Variants in UBFD1 observed in about 807,000 individuals in gnomAD.
UBFD1 encodes the protein ubiquitin family domain containing 1.
In UBFD1, 12 loss-of-function variants were observed where a neutral mutation model predicts 35.1. The observed-to-expected ratio is 0.34, with a 90% CI of 0.22 to 0.55. The LOEUF (loss-of-function observed/expected upper bound fraction) is 0.55, where lower values mean the gene tolerates loss of function less well. Ranked by LOEUF, UBFD1 falls within the 20% of genes least tolerant of loss-of-function variation. The probability of loss-of-function intolerance (pLI) is 0.89; values close to 1 mark genes in which losing one functional copy is unlikely to be tolerated. For missense variants in UBFD1, 337 were observed against 410.8 expected (o/e 0.82, Z 1.55); for synonymous variants, 178 against 167.6 (o/e 1.06, Z -0.48).
chr16:23,564,348 C>G (rs1965981063), intron 5 of UBFD1: 1 of 152,216 alleles, frequency 6.6e-6, no homozygotes, highest in Non-Finnish European at 1.5e-5. Context: ...AGTTTTCTAT[C>G]AATTTTATGA....
chr16:23,564,625 A>G (rs1304830784), intron 5 of UBFD1: 2 of 152,094 alleles, frequency 1.3e-5, no homozygotes, highest in East Asian at 1.9e-4. Flanking sequence ...CTGGACCTCT[A>G]CTTTTGCTTG....
In UBFD1 at chr16:23,562,253, A is replaced by G. The variant is rs749223572; in HGVS notation, c.612A>G (p.Pro204=). The G allele has an allele frequency of 4.2e-5, 68 of 1,613,950 alleles. No individual in the cohort carries two copies. Among genetic ancestry groups the G allele is most frequent in the Admixed American group, 3.2e-4 (19 of 59,988 alleles). ...LDKGKPEDVM[P]SVKGAQERLP... is the part of the protein sequence containing the mutation. Reference sequence around the variant, plus strand: ...AAGGAAAACCTGAAGATGTGATGCCATCTGTTAAGGGGGCCCAGGTAAGGC... The same window carrying G: ...AAGGAAAACCTGAAGATGTGATGCCGTCTGTTAAGGGGGCCCAGGTAAGGC... Residue 204 remains proline (P), a synonymous_variant, in exon 4 of 7, where the codon CCA becomes CCG. Coordinates refer to ENST00000395878, the MANE Select transcript of UBFD1 (RefSeq NM_019116.3).
chr16:23,558,117 C>G lies in UBFD1; in HGVS notation c.193C>G (p.Pro65Ala). ...QPAPAQPPGDPAAQASVSNGE... is the reference protein window; with the variant it reads ...QPAPAQPPGDAAAQASVSNGE... ...GGCCCCGGCCCAGCCCCCTGGGGACCCCGCAGCCCAGGCCTCGGTCAGCAA... is the reference window on the plus strand; with the variant it reads ...GGCCCCGGCCCAGCCCCCTGGGGACGCCGCAGCCCAGGCCTCGGTCAGCAA... Residue 65 changes from proline to alanine, a missense_variant, in exon 2 of 7, where the codon CCC becomes GCC. Transcript: ENST00000395878. 6.3e-7 allele frequency: 1 copy of G among 1,581,476 alleles called. No homozygotes were observed. Among genetic ancestry groups the G allele is most frequent in the Non-Finnish European group, 8.6e-7 (1 of 1,166,604 alleles).
intron 5 of UBFD1, chr16:23,565,283 CT>C (rs1567400671): frequency 6.6e-6 from 1 of 152,192 alleles, no homozygotes; most frequent in East Asian, 1.9e-4. Context: ...TGACTAAACT[CT>C]GCTAGCTTGT....
intron 6 of UBFD1, 75 bp from the exon 7 acceptor site, chr16:23,570,405 C>A: frequency 9.5e-7 from 1 of 1,053,700 alleles, no homozygotes; most frequent in Non-Finnish European, 1.5e-6. Flanking sequence ...CATCCCAACC[C>A]TCACCCATGT....
chr16:23,560,292 C>T (rs1309210206), intron 3 of UBFD1, among the ~76,000 whole-genome samples: 2 of 152,198 alleles, frequency 1.3e-5, no homozygotes, highest in African/African-American at 4.8e-5. Flanking sequence ...CATTAACATT[C>T]TTTCACGTAA....
chr16:23,573,284 T>C lies in UBFD1; in HGVS notation c.*2694T>C, dbSNP rs1293925759. ...GACTCGAAGCTAGAGATGGAGGGGG[T>C]GGCCGTCTCTTAGACATTGGACACC... On this transcript the variant is annotated 3_prime_UTR_variant, in exon 7 of 7. Coordinates refer to ENST00000395878, the MANE Select transcript of UBFD1 (RefSeq NM_019116.3). 6.6e-6 allele frequency: 1 copy of C among 152,082 alleles called. No individual in the cohort carries two copies. Among genetic ancestry groups the C allele is most frequent in the East Asian group, 1.9e-4 (1 of 5,188 alleles). The allele number at this position is 152,082 out of a possible 1,614,324, so 9.4% of individuals were successfully genotyped here.
At chr16:23,570,271 G>C (rs1966065814) in intron 6 of UBFD1, among the ~76,000 whole-genome samples, 1 of 152,182 alleles carries the variant, frequency 6.6e-6, no homozygotes, top group Non-Finnish European at 1.5e-5. Flanking sequence ...ACTCAGGTTT[G>C]AGAACTGCTG....
intron 5 of UBFD1, chr16:23,565,940 C>G (rs1041862527): frequency 4.0e-5 from 6 of 151,240 alleles, no homozygotes; most frequent in African/African-American, 1.5e-4. Context: ...CTCCCCTGAC[C>G]TCACCCAGTC....
chr16:23,558,359 C>A, intron 2 of UBFD1, 80 bp downstream of exon 2: 1 of 1,519,666 alleles, frequency 6.6e-7, no homozygotes, highest in South Asian at 1.2e-5. Flanking sequence ...CACCTGGTGG[C>A]TTTCCTTGCA....
intron 4 of UBFD1, 101 bp downstream of exon 4, chr16:23,562,372 T>C (rs775888829): frequency 7.5e-6 from 9 of 1,194,378 alleles, no homozygotes; most frequent in Non-Finnish European, 1.1e-5. Flanking sequence ...CCCTGTTTTT[T>C]TTTTTTTGAG....
rs764658514 is a variant in UBFD1 at position 23,558,281 on chromosome 16, T to TA, written c.355+4dup. ...AACAGAAGATCCACTCGATTACAGG[T>TA]AATTCCTGTGGCGCTGACAGCCAGT... On this transcript the variant is annotated splice_region_variant and intron_variant, in intron 2 of 6. Coordinates refer to ENST00000395878, the MANE Select transcript of UBFD1 (RefSeq NM_019116.3). 3 of 1,594,226 alleles carry TA rather than the reference T, an allele frequency of 1.9e-6. No individual in the cohort carries two copies. In the South Asian group the frequency reaches 3.4e-5, roughly 18 times the overall value.
In UBFD1 at chr16:23,557,922, G is replaced by A. The variant is rs774745705; in HGVS notation, c.26-28G>A. On this transcript the variant is annotated intron_variant, in intron 1 of 6. Coordinates refer to ENST00000395878, the MANE Select transcript of UBFD1 (RefSeq NM_019116.3). ...TCCGTTCCCAAGCCCAGCCCGCGGCGAGCGCCCACCCCCTAACCCCCTTGC... is the reference window on the plus strand; with the variant it reads ...TCCGTTCCCAAGCCCAGCCCGCGGCAAGCGCCCACCCCCTAACCCCCTTGC... 6 of 1,299,286 alleles carry A rather than the reference G, an allele frequency of 4.6e-6. No homozygotes were observed. The African/African-American group carries it at 6.1e-5, about 13-fold the overall frequency. The allele number at this position is 1,299,286 out of a possible 1,614,324, so 80.5% of individuals were successfully genotyped here.
chr16:23,563,155 G>C (rs939606368), intron 5 of UBFD1, among the ~76,000 whole-genome samples: 1 of 150,584 alleles, frequency 6.6e-6, no homozygotes, highest in Non-Finnish European at 1.5e-5. Flanking sequence ...ACATGGCATC[G>C]ATCCACTAGA....
In UBFD1 at chr16:23,567,345, C is replaced by G. The variant is rs923766348; in HGVS notation, c.819+276C>G. Among the ~76,000 whole-genome samples, 3 of 152,212 alleles carry G rather than the reference C, an allele frequency of 2.0e-5. No individual in the cohort carries two copies. In the South Asian group the frequency reaches 6.2e-4, roughly 31 times the overall value. ...TTAGAAAAGTCTCTCTTGCCTCCCT[C>G]TTGTCGTGTGTTGTTTCTAGACCAG... is the stretch of plus-strand genomic sequence containing the variant. On this transcript the variant is annotated intron_variant, in intron 6 of 6. Transcript: ENST00000395878.
intron 2 of UBFD1, 166 bp from the exon 3 acceptor site, chr16:23,559,302 G>A (rs1965892984): frequency 1.6e-6 from 1 of 612,814 alleles, no homozygotes; most frequent in African/African-American, 1.9e-5. Context: ...ATCTTCTACA[G>A]TTCTAGAAAC....
At position 23,563,522 on chromosome 16, in the gene UBFD1, T is replaced by A. The variant is rs2239950; in HGVS notation, c.736+792T>A. ...GCCACACTGTTGTGCCAGTTAAAGT[T>A]CCCAAGCATCTTTAAACTTGGTCTG... On this transcript the variant is annotated intron_variant, in intron 5 of 6. Coordinates refer to ENST00000395878, the MANE Select transcript of UBFD1 (RefSeq NM_019116.3). Among the ~76,000 whole-genome samples, 192 of 152,314 alleles carry A rather than the reference T, an allele frequency of 1.3e-3. 1 individual carries two copies. The East Asian group carries it at 0.035, about 28-fold the overall frequency.
At chr16:23,562,295 A>G (rs771312983) in intron 4 of UBFD1, 24 bp downstream of exon 4, 6 of 1,610,552 alleles carry the variant, frequency 3.7e-6, no homozygotes, top group Non-Finnish European at 5.1e-6. Flanking sequence ...CTTTGTGAGC[A>G]TTCTGAAAAT....
intron 5 of UBFD1, 136 bp downstream of exon 5, chr16:23,562,866 A>T (rs1471183641): frequency 4.6e-5 from 36 of 786,080 alleles, no homozygotes; most frequent in South Asian, 4.0e-4. Context: ...CTGGCTTTTA[A>T]ATTTGCTTTT....
Sources: gnomAD v4.1 joint callset for allele counts (sites outside exome capture counted in the v4.1 genomes callset) on GRCh38, gnomAD v4.1.1 for gene constraint, MANE v1.5 for transcripts, NCBI Gene and HGNC (gene_info 2026-07-23, HGNC 2026-07-21) for gene names.